ADGRL3: variants seen among roughly 807,000 people sequenced by gnomAD.
ADGRL3 encodes adhesion G protein-coupled receptor L3.
A neutral mutation model predicts 153.5 loss-of-function variants in ADGRL3; 62 were observed. That is an observed-to-expected ratio of 0.40 (90% CI 0.33 to 0.50). The LOEUF (loss-of-function observed/expected upper bound fraction) is 0.50. Among genes scored for constraint, ADGRL3 ranks in the 20% least tolerant of loss-of-function variants. ADGRL3 has a pLI of 0.47. For synonymous variants in ADGRL3, 710 were observed against 672.5 expected (o/e 1.06, Z -0.86); for missense variants, 1,641 against 1,859.4 (o/e 0.88, Z 2.16).
At chr4:61,905,363 A>T (rs1053907547) in intron 11 of ADGRL3, among the ~76,000 whole-genome samples, 7 of 152,216 alleles carry the variant, frequency 4.6e-5, no homozygotes, top group Non-Finnish European at 7.3e-5. Flanking sequence ...TATGTACAGA[A>T]ATTTAAATGT....
intron 13 of ADGRL3, chr4:61,933,789 G>C (rs1246968158): frequency 6.6e-6 from 1 of 152,138 alleles, no homozygotes; most frequent in African/African-American, 2.4e-5. Flanking sequence ...TATTTCTCTA[G>C]TCTCTCCCAG....
intron 9 of ADGRL3, among the ~76,000 whole-genome samples, chr4:61,821,506 G>A (rs1000623608): frequency 1.3e-5 from 2 of 151,912 alleles, no homozygotes; most frequent in African/African-American, 2.4e-5. Context: ...GGGATTACAG[G>A]CATGCACCAC....
intron 7 of ADGRL3, among the ~76,000 whole-genome samples, 158 bp downstream of exon 7, chr4:61,730,794 G>A (rs2096427557): frequency 6.6e-6 from 1 of 151,714 alleles, no homozygotes; most frequent in Non-Finnish European, 1.5e-5. Context: ...CTGTATTACT[G>A]ACAAGAGTCA....
At chr4:61,958,752 C>T (rs2098977164) in intron 17 of ADGRL3, among the ~76,000 whole-genome samples, 1 of 152,134 alleles carries the variant, frequency 6.6e-6, no homozygotes, top group Non-Finnish European at 1.5e-5. Flanking sequence ...CCTGGTCACT[C>T]CCGCCACACA....
intron 9 of ADGRL3, among the ~76,000 whole-genome samples, chr4:61,891,740 G>C (rs1294261840): frequency 2.0e-5 from 3 of 152,142 alleles, no homozygotes; most frequent in Admixed American, 6.6e-5. Flanking sequence ...GCCAGTAAGT[G>C]AGGTTAAGAG....
intron 8 of ADGRL3, among the ~76,000 whole-genome samples, chr4:61,781,100 G>A (rs2097207706): frequency 6.6e-6 from 1 of 152,190 alleles, no homozygotes; most frequent in South Asian, 2.1e-4. Context: ...GCTGAGGAGG[G>A]TGGATCACCT....
intron 6 of ADGRL3, among the ~76,000 whole-genome samples, chr4:61,706,757 A>T (rs892685853): frequency 2.0e-5 from 3 of 152,180 alleles, no homozygotes; most frequent in African/African-American, 7.2e-5. Context: ...TATCCAGTTC[A>T]CTAAAACTTT....
chr4:61,918,791 A>T (rs1417734403), intron 13 of ADGRL3, among the ~76,000 whole-genome samples: 1 of 152,230 alleles, frequency 6.6e-6, no homozygotes, highest in African/African-American at 2.4e-5. Context: ...ACATTATTAC[A>T]TGCAATATCT....
chr4:61,774,734 A>G (rs976915039), intron 8 of ADGRL3, among the ~76,000 whole-genome samples: 1 of 152,150 alleles, frequency 6.6e-6, no homozygotes, highest in Non-Finnish European at 1.5e-5. Context: ...TAATTGTTCT[A>G]TTTTATTATA....
At chr4:61,480,802 A>G (rs901607360) in intron 2 of ADGRL3, among the ~76,000 whole-genome samples, 3 of 152,008 alleles carry the variant, frequency 2.0e-5, no homozygotes, top group African/African-American at 7.2e-5. Context: ...AAATAAATAA[A>G]TGAAAATAAA....
intron 19 of ADGRL3, among the ~76,000 whole-genome samples, chr4:61,985,009 T>G (rs941570187): frequency 6.6e-6 from 1 of 152,126 alleles, no homozygotes; most frequent in Non-Finnish European, 1.5e-5. Flanking sequence ...AGAAAATTCC[T>G]TATAGTATAT....
At chr4:61,894,530 G>T (rs2098613120) in intron 10 of ADGRL3, among the ~76,000 whole-genome samples, 2 of 152,144 alleles carry the variant, frequency 1.3e-5, no homozygotes, top group South Asian at 2.1e-4. Flanking sequence ...ACTTCTAAAA[G>T]AAAAATAATA....
chr4:61,699,281 G>A (rs1212559390), intron 6 of ADGRL3, among the ~76,000 whole-genome samples: 1 of 151,784 alleles, frequency 6.6e-6, no homozygotes, highest in Non-Finnish European at 1.5e-5. Context: ...GGGTGATTAA[G>A]GTGAATATCA....
chr4:61,812,729 A>G (rs2097645350), intron 8 of ADGRL3, among the ~76,000 whole-genome samples: 1 of 152,190 alleles, frequency 6.6e-6, no homozygotes. Flanking sequence ...ATTCTTTTAT[A>G]TTTAAGCTAA....
chr4:61,825,239 G>A (rs2097790133), intron 9 of ADGRL3, among the ~76,000 whole-genome samples: 1 of 152,160 alleles, frequency 6.6e-6, no homozygotes, highest in Non-Finnish European at 1.5e-5. Flanking sequence ...CCACTTTGCT[G>A]AGTATATGGC....
At chr4:61,821,536 C>T (rs1228347275) in intron 9 of ADGRL3, among the ~76,000 whole-genome samples, 1 of 151,846 alleles carries the variant, frequency 6.6e-6, no homozygotes, top group Non-Finnish European at 1.5e-5. Flanking sequence ...CTAATTACTA[C>T]TTTTTATAAA....
intron 8 of ADGRL3, among the ~76,000 whole-genome samples, chr4:61,810,230 G>T (rs1036730966): frequency 6.6e-6 from 1 of 152,272 alleles, no homozygotes; most frequent in Non-Finnish European, 1.5e-5. Context: ...TTCTAAGAGA[G>T]TCTTGAGAGG....
intron 9 of ADGRL3, among the ~76,000 whole-genome samples, chr4:61,872,057 C>T (rs1581237179): frequency 6.6e-6 from 1 of 152,236 alleles, no homozygotes; most frequent in East Asian, 1.9e-4. Context: ...TGTTTGATTG[C>T]TTGCTATAAT....
intron 18 of ADGRL3, among the ~76,000 whole-genome samples, chr4:61,981,885 G>A (rs528929752): frequency 1.6e-4 from 25 of 152,264 alleles, no homozygotes; most frequent in African/African-American, 6.0e-4. Context: ...TGACTGTAAA[G>A]GGTACAATTA....
Sources: gnomAD v4.1 joint callset for allele counts (sites outside exome capture counted in the v4.1 genomes callset) on GRCh38, gnomAD v4.1.1 for gene constraint, MANE v1.5 for transcripts, NCBI Gene and HGNC (gene_info 2026-07-23, HGNC 2026-07-21) for gene names.